Variants in INPP4A observed in about 807,000 individuals in gnomAD.
INPP4A encodes the protein inositol polyphosphate-4-phosphatase type I A, also known as inositol polyphosphate-4-phosphatase, type I, 107kD.
A neutral mutation model predicts 119.8 loss-of-function variants in INPP4A; 33 were observed. The ratio of observed to expected loss-of-function variants is 0.28; its 90% CI spans 0.21 to 0.37. The LOEUF (loss-of-function observed/expected upper bound fraction) is 0.37, where lower values mean the gene tolerates loss of function less well. Among genes scored for constraint, INPP4A ranks in the 10% least tolerant of loss-of-function variants. The probability of loss-of-function intolerance (pLI) is 1.00; values close to 1 mark genes in which losing one functional copy is unlikely to be tolerated. For missense variants in INPP4A, 956 were observed against 1,289.9 expected (o/e 0.74, Z 3.97); for synonymous variants, 496 against 500.7 (o/e 0.99, Z 0.12).
intron 1 of INPP4A, among the ~76,000 whole-genome samples, chr2:98,463,005 C>A (rs1285212813): frequency 6.6e-6 from 1 of 152,122 alleles, no homozygotes; most frequent in Non-Finnish European, 1.5e-5. Flanking sequence ...TCACATCCGG[C>A]TAATTTTTGT....
In INPP4A at chr2:98,457,978, ATTTTTT is replaced by A. The variant is rs766066774; in HGVS notation, c.-166+12909_-166+12914del. Among the ~76,000 whole-genome samples the A allele has an allele frequency of 7.5e-4, 103 of 137,166 alleles. 1 individual carries two copies. The East Asian group carries it at 0.011, about 15-fold the overall frequency. The allele number at this position is 137,166 out of a possible 152,430, so 90.0% of individuals were successfully genotyped here. ...ACTGTGCCCAGCTAATTAAACAAAA[ATTTTTT>A]TTTTTTTTTTTTTTTGTTTAAATGA... On this transcript the variant is annotated intron_variant, in intron 1 of 24. Coordinates refer to ENST00000409851, the MANE Select transcript of INPP4A (RefSeq NM_001134225.2).
chr2:98,537,698 C>T (rs1351398553), intron 7 of INPP4A, among the ~76,000 whole-genome samples, 165 bp from the exon 8 acceptor site: 1 of 152,186 alleles, frequency 6.6e-6, no homozygotes, highest in Admixed American at 6.5e-5. Flanking sequence ...GTCTGTCTCG[C>T]CTGAGAGGAG....
chr2:98,463,708 CACAGGCATGTGCCTGCGAGACTGCTT>C, intron 1 of INPP4A, among the ~76,000 whole-genome samples: 1 of 152,334 alleles, frequency 6.6e-6, no homozygotes, highest in East Asian at 1.9e-4. Flanking sequence ...GCGGAGGGCT[CACAGGCATGTGCCTGCGAGACTGCTT>C]ACAAGCCCCT....
intron 1 of INPP4A, among the ~76,000 whole-genome samples, chr2:98,445,553 C>T (rs558928182): frequency 6.6e-6 from 1 of 152,374 alleles, no homozygotes; most frequent in South Asian, 2.1e-4. Flanking sequence ...ACATTTCTAG[C>T]ATCTTTGCTT....
intron 7 of INPP4A, among the ~76,000 whole-genome samples, chr2:98,537,058 T>G (rs1690425099): frequency 6.6e-6 from 1 of 152,228 alleles, no homozygotes; most frequent in Admixed American, 6.5e-5. Flanking sequence ...TAGAGTTAAA[T>G]GTACAAAATA....
chr2:98,576,479 C>T (rs1698439071), intron 23 of INPP4A, among the ~76,000 whole-genome samples: 1 of 152,168 alleles, frequency 6.6e-6, no homozygotes, highest in African/African-American at 2.4e-5. Context: ...GAGCTGCTCC[C>T]GTCTGTTCAG....
rs963486250 is a variant in INPP4A at position 98,566,722 on chromosome 2, C to T, written c.2420+553C>T. Among the ~76,000 whole-genome samples the T allele has an allele frequency of 2.6e-5, 4 of 152,152 alleles. No homozygotes were observed. Among genetic ancestry groups the T allele is most frequent in the African/African-American group, 9.7e-5 (4 of 41,414 alleles). On this transcript the variant is annotated intron_variant, in intron 21 of 24. Coordinates refer to ENST00000409851, the MANE Select transcript of INPP4A (RefSeq NM_001134225.2). This position sits in a 1 kb window ranked among gnomAD's most constrained non-coding sequence, Gnocchi z 4.2. Reference sequence around the variant, plus strand: ...GCAACTGCCCTCCAGGGTCACTTGCCACACTGCAGAGGGGAGTTGTGTGTG... The same window carrying T: ...GCAACTGCCCTCCAGGGTCACTTGCTACACTGCAGAGGGGAGTTGTGTGTG...
At chr2:98,553,267 T>C (rs1016745935) in intron 14 of INPP4A, among the ~76,000 whole-genome samples, 75 of 152,238 alleles carry the variant, frequency 4.9e-4, no homozygotes, top group African/African-American at 1.6e-3. Flanking sequence ...CAGTTCCACT[T>C]CTTTCTCAGT....
intron 21 of INPP4A, among the ~76,000 whole-genome samples, chr2:98,567,362 G>A (rs1216800897): frequency 6.6e-6 from 1 of 152,228 alleles, no homozygotes; most frequent in African/African-American, 2.4e-5. Context: ...TCATAAACTG[G>A]CAGGAGAGTC....
intron 4 of INPP4A, among the ~76,000 whole-genome samples, chr2:98,530,370 CTTAGTGCTTTAG>C (rs1048526255): frequency 2.9e-4 from 44 of 152,162 alleles, no homozygotes; most frequent in African/African-American, 1.0e-3. Flanking sequence ...TCTAAAGACA[CTTAGTGCTTTAG>C]ACAGTGTCTC....
intron 1 of INPP4A, among the ~76,000 whole-genome samples, chr2:98,513,600 G>T (rs1685547132): frequency 6.6e-6 from 1 of 152,234 alleles, no homozygotes; most frequent in Non-Finnish European, 1.5e-5. Context: ...TACCTTGGCT[G>T]GTGACAGACC....
At chr2:98,524,086 C>T (rs1687736936) in intron 4 of INPP4A, among the ~76,000 whole-genome samples, 1 of 152,186 alleles carries the variant, frequency 6.6e-6, no homozygotes, top group African/African-American at 2.4e-5. Flanking sequence ...TTTAGCCAGC[C>T]TCCTACTGCT....
chr2:98,462,869 A>T (rs915543702), intron 1 of INPP4A, among the ~76,000 whole-genome samples: 3 of 151,828 alleles, frequency 2.0e-5, no homozygotes, highest in African/African-American at 7.3e-5. Context: ...TTAATTTTTT[A>T]AAATTTTTAT....
intron 1 of INPP4A, among the ~76,000 whole-genome samples, chr2:98,448,680 T>C (rs796740536): frequency 7.9e-5 from 12 of 151,610 alleles, no homozygotes; most frequent in African/African-American, 2.9e-4. Flanking sequence ...GTTGAAGCAG[T>C]TGTAGTCTTC....
At chr2:98,494,573 T>TA (rs1681534537) in intron 1 of INPP4A, among the ~76,000 whole-genome samples, 1 of 151,772 alleles carries the variant, frequency 6.6e-6, no homozygotes, top group Non-Finnish European at 1.5e-5. Flanking sequence ...CTCTGAAAGA[T>TA]ACTGACTTTG....
chr2:98,494,885 A>C (rs537890737), intron 1 of INPP4A, among the ~76,000 whole-genome samples: 1 of 152,366 alleles, frequency 6.6e-6, no homozygotes, highest in African/African-American at 2.4e-5. Context: ...GCTGGGTATG[A>C]AAACACCAGA....
At chr2:98,502,970 G>A (rs1014034800) in intron 1 of INPP4A, among the ~76,000 whole-genome samples, 1 of 152,234 alleles carries the variant, frequency 6.6e-6, no homozygotes, top group South Asian at 2.1e-4. Flanking sequence ...GAGTTTGGAC[G>A]GACTAGGTTT....
intron 4 of INPP4A, among the ~76,000 whole-genome samples, chr2:98,525,633 G>A (rs566389040): frequency 5.9e-5 from 9 of 152,238 alleles, no homozygotes; most frequent in Admixed American, 5.2e-4. Flanking sequence ...TTCACAACAC[G>A]TATACTTCAC....
Position 98,456,294 on chromosome 2 carries a change from A to G in INPP4A, c.-166+11209A>G, listed in dbSNP as rs1188998609. On this transcript the variant is annotated intron_variant, in intron 1 of 24. Coordinates refer to ENST00000409851, the MANE Select transcript of INPP4A (RefSeq NM_001134225.2). The stretch of plus-strand genomic sequence containing the variant: ...ATAAGTTGTAGAAGGTGCTCTGAAC[A>G]CGTTACAGGGAGGTTGCCATTGCTA... Among the ~76,000 whole-genome samples, 7 of 152,346 alleles carry G rather than the reference A, an allele frequency of 4.6e-5. No homozygotes were observed. The East Asian group carries it at 1.4e-3, about 29-fold the overall frequency.
Sources: allele counts gnomAD v4.1 joint callset (sites outside exome capture counted in the v4.1 genomes callset), GRCh38; gene constraint gnomAD v4.1.1; non-coding constraint Gnocchi (gnomAD v3.1); transcripts MANE v1.5; gene names NCBI Gene and HGNC (gene_info 2026-07-23, HGNC 2026-07-21).